ANKRD30B: variants seen among roughly 807,000 people sequenced by gnomAD.
ANKRD30B encodes the protein ankyrin repeat domain-containing protein 30B.
In ANKRD30B, 144 loss-of-function variants were observed where a neutral mutation model predicts 202.2. The observed-to-expected ratio is 0.71, with a 90% CI of 0.62 to 0.82. The LOEUF is 0.82. Among genes scored for constraint, ANKRD30B ranks in the 40% least tolerant of loss-of-function variants. The pLI is 0.00. For synonymous variants in ANKRD30B, 508 were observed against 561.3 expected, an observed-to-expected ratio of 0.91 and a Z score of 1.34; for missense variants, 1,487 against 1,669.1, an observed-to-expected ratio of 0.89 and a Z score of 1.90.
At chr18:14,795,663 G>C (rs1452651055) in intron 16 of ANKRD30B, among the ~76,000 whole-genome samples, 2 of 152,164 alleles carry the variant, frequency 1.3e-5, no homozygotes, top group African/African-American at 4.8e-5. Context: ...AGATATTTAT[G>C]CTGATAAATT....
the ANKRD30B span, among the ~76,000 whole-genome samples, chr18:14,886,272 G>A: frequency 6.6e-6 from 1 of 152,008 alleles, no homozygotes; most frequent in African/African-American, 2.4e-5. Context: ...CCAGCTGCAT[G>A]ACCTTAGGTT....
chr18:14,748,762 A>G lies in ANKRD30B; in HGVS notation c.221+122A>G, dbSNP rs1912904390. On this transcript the variant is annotated intron_variant, in intron 1 of 43. Coordinates refer to ENST00000690538, the MANE Select transcript of ANKRD30B (RefSeq NM_001367607.2). ...GGAGCAGGTGGAGGAGTGGCGGGCG[A>G]TGGGGCGGCCGTCCTGGGCCCCGAG... is the stretch of plus-strand genomic sequence containing the variant. The G allele has an allele frequency of 5.6e-6, 6 of 1,075,214 alleles. No individual in the cohort carries two copies. The East Asian group carries it at 8.0e-5, about 14-fold the overall frequency. 66.6% of individuals were successfully genotyped at this position (1,075,214 alleles called of 1,614,324 possible).
At chr18:14,758,798 C>G (rs190850241) in intron 5 of ANKRD30B, among the ~76,000 whole-genome samples, 1 of 152,108 alleles carries the variant, frequency 6.6e-6, no homozygotes, top group Non-Finnish European at 1.5e-5. Context: ...TAAGACTGTA[C>G]GACAGGTTGA....
intron 7 of ANKRD30B, among the ~76,000 whole-genome samples, chr18:14,766,472 CAAAAAAA>C (rs1168681924): frequency 1.8e-5 from 1 of 55,594 alleles, no homozygotes; most frequent in African/African-American, 6.7e-5. Context: ...GACTCCATCT[CAAAAAAA>C]AAAAAAAAAA....
At chr18:14,912,628 T>G in the ANKRD30B span, among the ~76,000 whole-genome samples, 1 of 152,216 alleles carries the variant, frequency 6.6e-6, no homozygotes. Context: ...GATACTGGCC[T>G]TGTAGAAAGA....
intron 9 of ANKRD30B, among the ~76,000 whole-genome samples, chr18:14,777,712 C>G (rs1378124974): frequency 6.6e-6 from 1 of 151,498 alleles, no homozygotes; most frequent in African/African-American, 2.4e-5. Flanking sequence ...GAGGCTGAGG[C>G]GGGCGGATCA....
At chr18:14,920,703 G>A in the ANKRD30B span, among the ~76,000 whole-genome samples, 4 of 152,202 alleles carry the variant, frequency 2.6e-5, no homozygotes, top group Admixed American at 1.3e-4. Context: ...GTGTAGTAGG[G>A]TGGGATCCCC....
chr18:14,931,586 T>C, the ANKRD30B span, among the ~76,000 whole-genome samples: 1 of 151,824 alleles, frequency 6.6e-6, no homozygotes, highest in East Asian at 1.9e-4. Flanking sequence ...CAGAGGAGGC[T>C]ACAGTGTGTT....
chr18:14,904,184 A>G, the ANKRD30B span, among the ~76,000 whole-genome samples: 1 of 152,238 alleles, frequency 6.6e-6, no homozygotes, highest in African/African-American at 2.4e-5. Context: ...GATCTGGCCT[A>G]AAGTTTCTGG....
At chr18:14,883,859 G>C in the ANKRD30B span, 1 of 273,718 alleles carries the variant, frequency 3.7e-6, no homozygotes, top group African/African-American at 2.3e-5. Flanking sequence ...ATCCTTCAAG[G>C]AAGAATCAAG....
chr18:14,879,331 C>T, the ANKRD30B span, among the ~76,000 whole-genome samples: 7 of 152,212 alleles, frequency 4.6e-5, no homozygotes, highest in South Asian at 6.2e-4. Context: ...ACCACAGCCT[C>T]GGAAGACAAA....
intron 9 of ANKRD30B, among the ~76,000 whole-genome samples, chr18:14,776,538 G>A (rs1967362679): frequency 6.6e-6 from 1 of 152,128 alleles, no homozygotes; most frequent in African/African-American, 2.4e-5. Flanking sequence ...GACCATATTT[G>A]TTCATCATTT....
the ANKRD30B span, among the ~76,000 whole-genome samples, chr18:14,865,455 T>G: frequency 2.6e-5 from 4 of 151,710 alleles, no homozygotes; most frequent in East Asian, 7.9e-4. Context: ...CCCCACCGTA[T>G]TTTTGCAAAC....
At chr18:14,792,892 C>T (rs1168317196) in intron 16 of ANKRD30B, among the ~76,000 whole-genome samples, 1 of 151,924 alleles carries the variant, frequency 6.6e-6, no homozygotes, top group Non-Finnish European at 1.5e-5. Context: ...TATACCAAAC[C>T]AGACTAATTT....
chr18:14,761,250 A>G (rs1346071110), intron 6 of ANKRD30B, among the ~76,000 whole-genome samples: 4 of 152,086 alleles, frequency 2.6e-5, no homozygotes, highest in African/African-American at 9.7e-5. Context: ...ATACCCAGAC[A>G]CCCATATTCA....
chr18:14,793,738 CA>C (rs1445484572), intron 16 of ANKRD30B, among the ~76,000 whole-genome samples: 3 of 151,650 alleles, frequency 2.0e-5, no homozygotes, highest in African/African-American at 7.3e-5. Flanking sequence ...AATAAAAATA[CA>C]AAAAATTAGC....
chr18:14,872,912 C>A, the ANKRD30B span, among the ~76,000 whole-genome samples: 1 of 152,120 alleles, frequency 6.6e-6, no homozygotes, highest in Admixed American at 6.5e-5. Context: ...CGCAGCCTTG[C>A]CCCTAGAATG....
At chr18:14,766,493 A>AGAAAAGAAAAG (rs1555646769) in intron 7 of ANKRD30B, among the ~76,000 whole-genome samples, 48 of 85,062 alleles carry the variant, frequency 5.6e-4, no homozygotes, top group African/African-American at 1.7e-3. Flanking sequence ...AAAAAAAAAA[A>AGAAAAGAAAAG]AAAAGAAAAG....
the ANKRD30B span, among the ~76,000 whole-genome samples, chr18:14,882,913 G>A: frequency 6.6e-6 from 1 of 152,272 alleles, no homozygotes; most frequent in South Asian, 2.1e-4. Context: ...TGTCTCATAT[G>A]AGAATAGCTA....
Sources: allele counts gnomAD v4.1 joint callset (sites outside exome capture counted in the v4.1 genomes callset), GRCh38; gene constraint gnomAD v4.1.1; transcripts MANE v1.5; gene names NCBI Gene and HGNC (gene_info 2026-07-23, HGNC 2026-07-21).